ADGRV1: variants seen among roughly 807,000 people sequenced by gnomAD.
ADGRV1 encodes the protein G-protein coupled receptor 98.
Under a neutral mutation model 596.2 loss-of-function variants are expected in ADGRV1, and 359 were observed. The ratio of observed to expected loss-of-function variants is 0.60; its 90% CI spans 0.55 to 0.66. ADGRV1 has a LOEUF of 0.66. Ranked by LOEUF, ADGRV1 falls within the 30% of genes least tolerant of loss-of-function variation. ADGRV1 has a pLI of 0.00. For synonymous variants in ADGRV1, 2,681 were observed against 2,679.2 expected (o/e 1.00, Z -0.02); for missense variants, 7,274 against 7,575.6 (o/e 0.96, Z 1.48).
chr5:91,123,247 A>C (rs945489921), intron 87 of ADGRV1, among the ~76,000 whole-genome samples: 5 of 152,224 alleles, frequency 3.3e-5, no homozygotes, highest in Admixed American at 3.3e-4. Context: ...GTAACTGTTC[A>C]TTATTATGTT....
At chr5:90,769,782 G>T (rs1215693270) in intron 59 of ADGRV1, among the ~76,000 whole-genome samples, 2 of 151,918 alleles carry the variant, frequency 1.3e-5, no homozygotes, top group Non-Finnish European at 2.9e-5. Flanking sequence ...ATTTTGTAAG[G>T]GCTTCTAGGA....
At chr5:91,154,109 A>G (rs1354174825) in intron 89 of ADGRV1, among the ~76,000 whole-genome samples, 1 of 152,210 alleles carries the variant, frequency 6.6e-6, no homozygotes, top group Non-Finnish European at 1.5e-5. Context: ...TTGGTCAGAA[A>G]TTCTATTTTG....
At chr5:91,023,930 C>T (rs1048859544) in intron 85 of ADGRV1, among the ~76,000 whole-genome samples, 12 of 152,096 alleles carry the variant, frequency 7.9e-5, no homozygotes, top group African/African-American at 1.4e-4. Flanking sequence ...TTCATCTTTT[C>T]GTGTTTTTCA....
intron 84 of ADGRV1, among the ~76,000 whole-genome samples, chr5:90,976,209 TGA>T (rs1393328832): frequency 3.5e-4 from 46 of 131,802 alleles, no homozygotes; most frequent in South Asian, 1.5e-3. Context: ...TTCTTGTGTG[TGA>T]GTGTGTATAT....
chr5:91,002,679 C>A (rs549865615), intron 85 of ADGRV1, among the ~76,000 whole-genome samples: 12 of 151,822 alleles, frequency 7.9e-5, no homozygotes, highest in Admixed American at 7.9e-4. Context: ...TTCTCATGTA[C>A]CCATGTTGAT....
intron 34 of ADGRV1, among the ~76,000 whole-genome samples, chr5:90,699,159 A>G (rs1747579642): frequency 6.6e-6 from 1 of 152,180 alleles, no homozygotes; most frequent in African/African-American, 2.4e-5. Flanking sequence ...ATCCAAAAGC[A>G]GTATCTATGG....
At chr5:90,725,049 AT>A in intron 46 of ADGRV1, 36 bp from the exon 47 acceptor site, 1 of 1,536,264 alleles carries the variant, frequency 6.5e-7, no homozygotes, top group Non-Finnish European at 8.8e-7. Flanking sequence ...TTTTAGATGT[AT>A]AATGAATAAC....
At chr5:90,750,023 G>C (rs1415608605) in intron 52 of ADGRV1, among the ~76,000 whole-genome samples, 1 of 152,166 alleles carries the variant, frequency 6.6e-6, no homozygotes, top group African/African-American at 2.4e-5. Context: ...ACATTTGCCA[G>C]TGATCAAGGA....
intron 87 of ADGRV1, among the ~76,000 whole-genome samples, chr5:91,135,930 A>G (rs1253803626): frequency 5.9e-5 from 9 of 152,186 alleles, no homozygotes; most frequent in Admixed American, 2.6e-4. Context: ...TACTTAACTG[A>G]TAAGTAGGAT....
intron 25 of ADGRV1, 78 bp from the exon 26 acceptor site, chr5:90,679,469 GAT>G: frequency 1.1e-6 from 1 of 877,546 alleles, no homozygotes; most frequent in Non-Finnish European, 1.8e-6. Context: ...CTCTTTGCTT[GAT>G]ATGTTTTAAG....
chr5:90,629,420 A>G lies in ADGRV1; in HGVS notation c.1720A>G (p.Ile574Val). ...GGACCCCTTGCAAGCAAAAGAAGGC[A>G]TCTTAAATATATCAAGGAGAAATGA... ...AVDPLQAKEG[I>V]LNISRRNDLI... Residue 574 changes from isoleucine (I) to valine (V), a missense_variant, in exon 9 of 90, where the codon ATC (isoleucine) becomes GTC (valine). By Grantham distance (29) the Ile-to-Val change is conservative (BLOSUM62 3). Coordinates refer to ENST00000405460, the MANE Select transcript of ADGRV1 (RefSeq NM_032119.4). 3 of 1,613,748 alleles carry G rather than the reference A, an allele frequency of 1.9e-6. No homozygotes were observed. Among genetic ancestry groups the G allele is most frequent in the Middle Eastern group, 3.3e-4 (2 of 6,062 alleles).
chr5:90,802,747 A>G lies in ADGRV1; in HGVS notation c.14526A>G (p.Leu4842=). The change falls in exon 71 of 90, where the codon CTA becomes CTG. Residue 4842 remains leucine, a synonymous_variant. Transcript: ENST00000405460. The stretch of plus-strand genomic sequence containing the variant: ...ACACTGTTTGTTTATAGGTCTTCCT[A>G]TCACTGGGCTCTAATTTCACTTTGC... ...DVVPIKNQVF[L]SLGSNFTLQL... is the part of the protein sequence containing the mutation. 1 of 1,611,676 alleles carries G rather than the reference A, an allele frequency of 6.2e-7. No homozygotes were observed. The highest frequency in any genetic ancestry group is 1.3e-5 in the African/African-American group (1 of 75,002).
chr5:90,946,391 G>A (rs1294833040), intron 83 of ADGRV1, among the ~76,000 whole-genome samples: 1 of 152,102 alleles, frequency 6.6e-6, no homozygotes, highest in Non-Finnish European at 1.5e-5. Context: ...ATAACATAAT[G>A]AATTGAGATT....
intron 78 of ADGRV1, among the ~76,000 whole-genome samples, chr5:90,843,330 T>G (rs1470111841): frequency 6.6e-6 from 1 of 152,134 alleles, no homozygotes; most frequent in Non-Finnish European, 1.5e-5. Flanking sequence ...TTCACATCAA[T>G]GGAATAGAAC....
chr5:90,805,857 T>G (rs1761853129), intron 72 of ADGRV1, among the ~76,000 whole-genome samples: 1 of 152,204 alleles, frequency 6.6e-6, no homozygotes, highest in Non-Finnish European at 1.5e-5. Flanking sequence ...GATACTTTAT[T>G]TTTTAAAGTA....
intron 83 of ADGRV1, among the ~76,000 whole-genome samples, chr5:90,947,925 A>G (rs148603894): frequency 9.1e-4 from 139 of 152,250 alleles, no homozygotes; most frequent in African/African-American, 2.8e-3. Context: ...AAAAGATTCA[A>G]TGTGACACAC....
intron 86 of ADGRV1, among the ~76,000 whole-genome samples, chr5:91,083,755 G>A (rs1789622998): frequency 6.6e-6 from 1 of 151,974 alleles, no homozygotes; most frequent in South Asian, 2.1e-4. Flanking sequence ...TGTACTTCAA[G>A]GCCACTATGT....
At chr5:90,694,778 G>T in intron 33 of ADGRV1, 77 bp downstream of exon 33, 1 of 1,285,754 alleles carries the variant, frequency 7.8e-7, no homozygotes. Context: ...AAATTTATAA[G>T]AATTCTTACT....
chr5:90,964,449 T>C lies in ADGRV1; in HGVS notation c.17857-966T>C, dbSNP rs551292863. Reference sequence around the variant, plus strand: ...ATAAGGGGGAGCCAGAGTTTATTCATTGAGAATTTACAGCAGAATATTATT... The same window carrying C: ...ATAAGGGGGAGCCAGAGTTTATTCACTGAGAATTTACAGCAGAATATTATT... On this transcript the variant is annotated intron_variant, in intron 83 of 89. Coordinates refer to ENST00000405460, the MANE Select transcript of ADGRV1 (RefSeq NM_032119.4). Among the ~76,000 whole-genome samples the C allele has an allele frequency of 5.9e-5, 9 of 152,288 alleles. No individual in the cohort carries two copies. The East Asian group carries it at 7.7e-4, about 13-fold the overall frequency.
Sources: gnomAD v4.1 joint callset for allele counts (sites outside exome capture counted in the v4.1 genomes callset) on GRCh38, gnomAD v4.1.1 for gene constraint, MANE v1.5 for transcripts, NCBI Gene and HGNC (gene_info 2026-07-23, HGNC 2026-07-21) for gene names.